Variants in NECTIN3 observed in about 807,000 individuals in gnomAD.
The protein encoded by NECTIN3 is nectin cell adhesion molecule 3, also known as nectin-3.
NECTIN3 carries 8 observed loss-of-function variants against 49.4 expected under a neutral mutation model. The ratio of observed to expected loss-of-function variants is 0.16; its 90% CI spans 0.10 to 0.29. The LOEUF is 0.29. Ranked by LOEUF, NECTIN3 falls within the 10% of genes least tolerant of loss-of-function variation. The pLI is 1.00. For synonymous variants in NECTIN3, 277 were observed against 241.1 expected, an observed-to-expected ratio of 1.15 and a Z score of -1.38; for missense variants, 581 against 654.6, an observed-to-expected ratio of 0.89 and a Z score of 1.23.
intron 1 of NECTIN3, among the ~76,000 whole-genome samples, chr3:111,079,311 T>C (rs909659654): frequency 3.3e-5 from 5 of 152,038 alleles, no homozygotes; most frequent in Non-Finnish European, 7.4e-5. Flanking sequence ...AAACTGTGCA[T>C]TGTTTATCAA....
At chr3:111,117,654 A>G (rs1276500536) in intron 2 of NECTIN3, among the ~76,000 whole-genome samples, 1 of 152,094 alleles carries the variant, frequency 6.6e-6, no homozygotes, top group Non-Finnish European at 1.5e-5. Context: ...TTTCAATACC[A>G]TCAAGAACAG....
chr3:111,193,631 A>G (rs977778200), intron 1 of NECTIN3: 1 of 470,596 alleles, frequency 2.1e-6, no homozygotes, highest in Non-Finnish European at 3.8e-6. Context: ...TTTAACTGCT[A>G]ACATTTGGCC....
intron 1 of NECTIN3, among the ~76,000 whole-genome samples, chr3:111,092,846 C>CAGGT (rs1397999078): frequency 6.6e-6 from 1 of 152,000 alleles, no homozygotes; most frequent in Non-Finnish European, 1.5e-5. Flanking sequence ...GCAATTGTGC[C>CAGGT]AGGTAGGATT....
chr3:111,191,155 C>G (rs2035805969), upstream of NECTIN3, among the ~76,000 whole-genome samples: 1 of 152,092 alleles, frequency 6.6e-6, no homozygotes, highest in South Asian at 2.1e-4. Flanking sequence ...AAAATGAAAG[C>G]AGGGATGTGA....
At chr3:111,124,676 A>T (rs530951007) in intron 4 of NECTIN3, among the ~76,000 whole-genome samples, 2 of 152,304 alleles carry the variant, frequency 1.3e-5, no homozygotes, top group East Asian at 3.9e-4. Context: ...ACTCTAAAAG[A>T]TTTTACAGAT....
At chr3:111,075,341 C>G (rs964439843) in intron 1 of NECTIN3, 7 of 152,092 alleles carry the variant, frequency 4.6e-5, no homozygotes, top group African/African-American at 1.7e-4. Flanking sequence ...CTGTCCTTCC[C>G]TCCCTTCCTC....
chr3:111,181,236 G>A (rs562103259), intron 7 of NECTIN3, among the ~76,000 whole-genome samples: 17 of 152,184 alleles, frequency 1.1e-4, no homozygotes, highest in African/African-American at 2.9e-4. Flanking sequence ...GCTCTTTTGC[G>A]TCCAATTTCT....
chr3:111,191,506 G>GTAA (rs950819171), upstream of NECTIN3, among the ~76,000 whole-genome samples: 1 of 151,426 alleles, frequency 6.6e-6, no homozygotes, highest in African/African-American at 2.4e-5. Context: ...AGTCTGAAGG[G>GTAA]TAAGTCATGT....
intron 1 of NECTIN3, among the ~76,000 whole-genome samples, chr3:111,095,834 C>T (rs965779187): frequency 1.6e-4 from 25 of 152,188 alleles, no homozygotes; most frequent in Non-Finnish European, 3.1e-4. Flanking sequence ...TGTGAGGCTT[C>T]CCCAGTCAGC....
chr3:111,139,461 A>T, downstream of NECTIN3, among the ~76,000 whole-genome samples: 1 of 151,754 alleles, frequency 6.6e-6, no homozygotes, highest in East Asian at 1.9e-4. Flanking sequence ...CTGTAAATTG[A>T]TAGTGAGATC....
At chr3:111,184,594 G>T (rs1167954679) in intron 7 of NECTIN3, among the ~76,000 whole-genome samples, 1 of 151,990 alleles carries the variant, frequency 6.6e-6, no homozygotes, top group Non-Finnish European at 1.5e-5. Flanking sequence ...CCCAGTCCGT[G>T]GTATTCTGTT....
chr3:111,176,126 C>A (rs1465257769), intron 7 of NECTIN3, among the ~76,000 whole-genome samples: 1 of 152,114 alleles, frequency 6.6e-6, no homozygotes, highest in Admixed American at 6.5e-5. Flanking sequence ...TCTATTTGGC[C>A]ATATGAATTA....
chr3:111,134,006 C>T lies in NECTIN3; in HGVS notation c.1441C>T (p.Leu481=). The T allele has an allele frequency of 1.2e-6, 2 of 1,612,946 alleles. No homozygotes were observed. Among genetic ancestry groups the T allele is most frequent in the Non-Finnish European group, 8.5e-7 (1 of 1,179,526 alleles). ...KKENKNPVNN[L]IRKDYLEEPE... ...AGAAAACAAAAATCCAGTGAACAATCTAATACGTAAAGACTATTTAGAAGA... is the reference window on the plus strand; with the variant it reads ...AGAAAACAAAAATCCAGTGAACAATTTAATACGTAAAGACTATTTAGAAGA... The change falls in exon 6 of 6, where the codon CTA becomes TTA. Residue 481 remains leucine (L), a synonymous_variant. Coordinates refer to ENST00000485303, the MANE Select transcript of NECTIN3 (RefSeq NM_015480.3).
At chr3:111,079,454 C>T (rs1024417784) in intron 1 of NECTIN3, among the ~76,000 whole-genome samples, 19 of 151,944 alleles carry the variant, frequency 1.3e-4, no homozygotes, top group Admixed American at 1.1e-3. Flanking sequence ...GATAATCATT[C>T]ATGGCTATAC....
intron 7 of NECTIN3, among the ~76,000 whole-genome samples, chr3:111,185,587 C>T (rs921927056): frequency 6.6e-5 from 10 of 152,040 alleles, no homozygotes; most frequent in Admixed American, 3.9e-4. Flanking sequence ...TTTACAGTGC[C>T]TTGTGGAGTT....
intron 2 of NECTIN3, among the ~76,000 whole-genome samples, chr3:111,117,146 A>C (rs1390414358): frequency 6.6e-6 from 1 of 152,134 alleles, no homozygotes; most frequent in Non-Finnish European, 1.5e-5. Flanking sequence ...TAAAAAAGTA[A>C]AAAAATGAAT....
At chr3:111,187,853 T>C (rs1330334500), upstream of NECTIN3, among the ~76,000 whole-genome samples, 3 of 152,226 alleles carry the variant, frequency 2.0e-5, no homozygotes, top group African/African-American at 7.2e-5. Flanking sequence ...TGTGTGATAC[T>C]ACAAGAGTAG....
chr3:111,087,083 C>T (rs2031976038), intron 1 of NECTIN3, among the ~76,000 whole-genome samples: 1 of 151,890 alleles, frequency 6.6e-6, no homozygotes, highest in Non-Finnish European at 1.5e-5. Flanking sequence ...GTACTGTGAC[C>T]TTATGTAAAG....
chr3:111,084,195 A>G (rs748210445), intron 1 of NECTIN3, among the ~76,000 whole-genome samples: 57 of 152,214 alleles, frequency 3.7e-4, no homozygotes, highest in Non-Finnish European at 6.6e-4. Flanking sequence ...GAGAGAGGGA[A>G]GTTACAAAAA....
Sources: allele counts gnomAD v4.1 joint callset (sites outside exome capture counted in the v4.1 genomes callset), GRCh38; gene constraint gnomAD v4.1.1; transcripts MANE v1.5; gene names NCBI Gene and HGNC (gene_info 2026-07-23, HGNC 2026-07-21).